FTCDNL1: variants seen among roughly 807,000 people sequenced by gnomAD.
The protein encoded by FTCDNL1 is formiminotransferase cyclodeaminase N-terminal like.
In FTCDNL1, 11 loss-of-function variants were observed where a neutral mutation model predicts 5.9. The observed-to-expected ratio is 1.87, with a 90% CI of 1.18 to 3.10. The LOEUF (loss-of-function observed/expected upper bound fraction) is 3.10. Among genes scored for constraint, FTCDNL1 ranks in the 30% most tolerant of loss-of-function variants. FTCDNL1 has a pLI of 0.00. For missense variants in FTCDNL1, 115 were observed against 65.5 expected (o/e 1.76, Z -2.61); for synonymous variants, 58 against 24.8 (o/e 2.34, Z -3.99).
chr2:199,734,750 G>T, the FTCDNL1 span, among the ~76,000 whole-genome samples: 18 of 152,126 alleles, frequency 1.2e-4, no homozygotes, highest in Non-Finnish European at 2.5e-4. Flanking sequence ...AATTGTGAAA[G>T]AAAAAGGATA....
At chr2:199,837,425 C>T (rs528292480) in intron 3 of FTCDNL1, among the ~76,000 whole-genome samples, 3 of 152,194 alleles carry the variant, frequency 2.0e-5, no homozygotes, top group Non-Finnish European at 4.4e-5. Flanking sequence ...AGAACTATAT[C>T]AGAACCCAGC....
chr2:199,720,588 A>G, the FTCDNL1 span, among the ~76,000 whole-genome samples: 1 of 152,188 alleles, frequency 6.6e-6, no homozygotes, highest in African/African-American at 2.4e-5. Context: ...CTGTGACAGC[A>G]TAACTCCAAT....
At chr2:199,752,059 T>C in the FTCDNL1 span, among the ~76,000 whole-genome samples, 2 of 152,148 alleles carry the variant, frequency 1.3e-5, no homozygotes, top group Admixed American at 1.3e-4. Context: ...CAGAGAATGA[T>C]GCGCCCAAAG....
At chr2:199,790,525 G>C (rs1699871731) in intron 3 of FTCDNL1, among the ~76,000 whole-genome samples, 1 of 150,416 alleles carries the variant, frequency 6.6e-6, no homozygotes, top group African/African-American at 2.4e-5. Context: ...TGTCAGAGTT[G>C]ATATACAAAG....
At chr2:199,765,354 A>T (rs1000649184) in intron 3 of FTCDNL1, among the ~76,000 whole-genome samples, 1 of 151,712 alleles carries the variant, frequency 6.6e-6, no homozygotes, top group African/African-American at 2.4e-5. Context: ...AGCAAGAAGT[A>T]TATGGGAACT....
the FTCDNL1 span, among the ~76,000 whole-genome samples, chr2:199,703,824 A>G: frequency 6.6e-6 from 1 of 152,186 alleles, no homozygotes; most frequent in Non-Finnish European, 1.5e-5. Flanking sequence ...ATTTTTCTAT[A>G]ACACAAAGTT....
chr2:199,719,037 TTTTAG>T, the FTCDNL1 span, among the ~76,000 whole-genome samples: 1 of 152,252 alleles, frequency 6.6e-6, no homozygotes, highest in Middle Eastern at 3.4e-3. Context: ...TGCAGAAACA[TTTTAG>T]TTTAATTAAG....
intron 3 of FTCDNL1, among the ~76,000 whole-genome samples, chr2:199,798,050 GTC>G (rs1352124840): frequency 1.3e-5 from 2 of 152,150 alleles, no homozygotes; most frequent in Non-Finnish European, 2.9e-5. Context: ...GAATTGTGAT[GTC>G]TCTACCCTCT....
At chr2:199,825,911 G>A (rs1199155813) in intron 3 of FTCDNL1, among the ~76,000 whole-genome samples, 2 of 152,196 alleles carry the variant, frequency 1.3e-5, no homozygotes, top group African/African-American at 2.4e-5. Context: ...ATGAGAAATG[G>A]GAGAATATTT....
chr2:199,776,910 G>A lies in FTCDNL1; in HGVS notation c.212-16075C>T, dbSNP rs1035094563. Among the ~76,000 whole-genome samples, 26 of 113,310 alleles carry A rather than the reference G, an allele frequency of 2.3e-4. 3 individuals carry two copies. The East Asian group carries it at 7.6e-3, about 33-fold the overall frequency. The allele number at this position is 113,310 out of a possible 152,430, so 74.3% of individuals were successfully genotyped here. A position where few individuals can be genotyped will look rare whatever the true frequency, so the allele number is the denominator to read the frequency against. ...AGACACATATACATGTGTAATATAT[G>A]TGTATGTATATATATATACACACAC... On this transcript the variant is annotated intron_variant, in intron 3 of 3. Transcript: ENST00000416668.
chr2:199,727,036 T>G, the FTCDNL1 span, among the ~76,000 whole-genome samples: 1 of 152,208 alleles, frequency 6.6e-6, no homozygotes. Flanking sequence ...CCAGAAACCA[T>G]GGCCACCCCT....
At chr2:199,779,685 C>G (rs1699263728) in intron 3 of FTCDNL1, among the ~76,000 whole-genome samples, 1 of 152,162 alleles carries the variant, frequency 6.6e-6, no homozygotes, top group Non-Finnish European at 1.5e-5. Context: ...TAAGGACAAT[C>G]AAACCTGGAA....
At chr2:199,698,918 G>C in the FTCDNL1 span, among the ~76,000 whole-genome samples, 1 of 152,048 alleles carries the variant, frequency 6.6e-6, no homozygotes, top group African/African-American at 2.4e-5. Context: ...AACACAATGA[G>C]AAATGGCAAA....
the FTCDNL1 span, among the ~76,000 whole-genome samples, chr2:199,666,682 C>T: frequency 2.6e-5 from 4 of 152,096 alleles, no homozygotes; most frequent in African/African-American, 4.8e-5. Context: ...TTTGGGAGGC[C>T]GAGGTGGGCA....
At chr2:199,683,460 G>C in the FTCDNL1 span, among the ~76,000 whole-genome samples, 1 of 151,744 alleles carries the variant, frequency 6.6e-6, no homozygotes, top group African/African-American at 2.4e-5. Flanking sequence ...GTACCATGTA[G>C]AGGCACATTA....
chr2:199,775,081 C>A (rs1698993076), intron 3 of FTCDNL1, among the ~76,000 whole-genome samples: 1 of 152,194 alleles, frequency 6.6e-6, no homozygotes, highest in Non-Finnish European at 1.5e-5. Flanking sequence ...TTTCACCTGA[C>A]ACCAGCAATA....
At chr2:199,685,481 G>GT in the FTCDNL1 span, among the ~76,000 whole-genome samples, 223 of 151,654 alleles carry the variant, frequency 1.5e-3, 1 homozygote, top group Admixed American at 3.2e-3. Flanking sequence ...TTTTGTTTTT[G>GT]TTTTTTTTCT....
At chr2:199,748,469 A>G in the FTCDNL1 span, among the ~76,000 whole-genome samples, 2 of 152,148 alleles carry the variant, frequency 1.3e-5, no homozygotes, top group African/African-American at 2.4e-5. Flanking sequence ...GCCTTAGTTA[A>G]TGATACCAGA....
intron 3 of FTCDNL1, among the ~76,000 whole-genome samples, chr2:199,824,975 A>C (rs1701937166): frequency 6.6e-6 from 1 of 151,858 alleles, no homozygotes; most frequent in African/African-American, 2.4e-5. Context: ...CCGTCTTTAC[A>C]AGAAATACAA....
Sources: allele counts gnomAD v4.1 joint callset (sites outside exome capture counted in the v4.1 genomes callset), GRCh38; gene constraint gnomAD v4.1.1; transcripts MANE v1.5; gene names NCBI Gene and HGNC (gene_info 2026-07-23, HGNC 2026-07-21).